The following EXOC4 variants were observed in gnomAD, a reference collection of about 807,000 sequenced individuals.
The protein encoded by EXOC4 is exocyst complex component 4, also known as SEC8-like 1.
EXOC4 carries 71 observed loss-of-function variants against 107.2 expected under a neutral mutation model. That is an observed-to-expected ratio of 0.66 (90% CI 0.55 to 0.81). EXOC4 has a LOEUF of 0.81. EXOC4 is among the 30% of genes least tolerant of loss of function. The pLI is 0.00. For missense variants in EXOC4, 1,108 were observed against 1,189.6 expected, an observed-to-expected ratio of 0.93 and a Z score of 1.01; for synonymous variants, 456 against 441.2, an observed-to-expected ratio of 1.03 and a Z score of -0.42.
At chr7:133,701,013 G>A (rs1471647513) in intron 10 of EXOC4, among the ~76,000 whole-genome samples, 1 of 152,054 alleles carries the variant, frequency 6.6e-6, no homozygotes, top group Non-Finnish European at 1.5e-5. Context: ...CTTACCTGGT[G>A]TAATAAATAG....
At chr7:133,816,161 T>C (rs898033853) in intron 10 of EXOC4, among the ~76,000 whole-genome samples, 4 of 152,184 alleles carry the variant, frequency 2.6e-5, no homozygotes. Context: ...GTTTATACTT[T>C]AGTTACTTAA....
chr7:133,678,503 A>C (rs1336862852), intron 10 of EXOC4, among the ~76,000 whole-genome samples: 2 of 152,144 alleles, frequency 1.3e-5, no homozygotes, highest in Non-Finnish European at 1.5e-5. Context: ...TGAAATTATA[A>C]ATTTAGTCAC....
At chr7:133,753,703 A>G (rs994365538) in intron 10 of EXOC4, among the ~76,000 whole-genome samples, 1 of 152,226 alleles carries the variant, frequency 6.6e-6, no homozygotes, top group Admixed American at 6.5e-5. Flanking sequence ...AAAGAATCTC[A>G]CATTTTTGCA....
At chr7:133,543,024 A>C (rs945491896) in intron 9 of EXOC4, among the ~76,000 whole-genome samples, 3 of 152,166 alleles carry the variant, frequency 2.0e-5, no homozygotes, top group Non-Finnish European at 4.4e-5. Context: ...CAGTTATCCC[A>C]CAAACATAAC....
chr7:133,317,356 T>G lies in EXOC4; in HGVS notation c.729T>G (p.Asp243Glu). The change falls in exon 5 of 18, where the codon GAT becomes GAG. Residue 243 changes from aspartate to glutamate, a missense_variant. Transcript: ENST00000253861. ...TNLPTPRKFLDTSHYSTAGSS... is the reference protein window; with the variant it reads ...TNLPTPRKFLETSHYSTAGSS... ...TCCCTACTCCTCGAAAATTCCTTGA[T>G]ACCTCTCACTATTCTACTGCTGGAA... 6.2e-7 allele frequency: 1 copy of G among 1,611,706 alleles called. No homozygotes were observed. The highest frequency in any genetic ancestry group is 8.5e-7 in the Non-Finnish European group (1 of 1,177,800).
chr7:133,413,583 C>G (rs565501973), intron 7 of EXOC4, among the ~76,000 whole-genome samples: 10 of 152,248 alleles, frequency 6.6e-5, no homozygotes, highest in African/African-American at 2.2e-4. Flanking sequence ...GATGGAAGTG[C>G]AAGTGACTCA....
intron 14 of EXOC4, among the ~76,000 whole-genome samples, chr7:133,976,928 G>C (rs1019899567): frequency 6.6e-6 from 1 of 152,192 alleles, no homozygotes; most frequent in South Asian, 2.1e-4. Flanking sequence ...TGAATGTTCT[G>C]ATGAATGAGC....
At chr7:133,598,828 C>CA (rs961267614) in intron 9 of EXOC4, among the ~76,000 whole-genome samples, 2 of 151,812 alleles carry the variant, frequency 1.3e-5, no homozygotes, top group Admixed American at 6.6e-5. Flanking sequence ...CTAAAAAATA[C>CA]AAAAAATTAG....
At chr7:133,975,144 A>G in intron 14 of EXOC4, among the ~76,000 whole-genome samples, 1 of 152,200 alleles carries the variant, frequency 6.6e-6, no homozygotes, top group Non-Finnish European at 1.5e-5. Flanking sequence ...GAGAAGTTAG[A>G]AAAAATATTC....
At chr7:133,997,369 A>G (rs1794418272) in intron 14 of EXOC4, 123 bp from the exon 15 acceptor site, 1 of 983,364 alleles carries the variant, frequency 1.0e-6, no homozygotes, top group African/African-American at 1.6e-5. Flanking sequence ...TGGACTTCTA[A>G]TGCTGCCAAC....
chr7:133,913,634 T>TAGAG (rs371724172), intron 12 of EXOC4, among the ~76,000 whole-genome samples: 212 of 150,222 alleles, frequency 1.4e-3, no homozygotes, highest in African/African-American at 4.7e-3. Flanking sequence ...TGCTCAGTGG[T>TAGAG]AGAGAGAGAG....
chr7:133,512,403 T>C (rs546428399), intron 9 of EXOC4, among the ~76,000 whole-genome samples: 1 of 151,794 alleles, frequency 6.6e-6, no homozygotes, highest in Admixed American at 6.6e-5. Flanking sequence ...CACTCCAGCC[T>C]GGGCGATAGA....
chr7:133,637,925 A>G (rs2041999), intron 10 of EXOC4, among the ~76,000 whole-genome samples: 151,019 of 152,262 alleles, frequency 0.99, 74,908 homozygotes, highest in Middle Eastern at 1. Flanking sequence ...GCCAGTCAAG[A>G]TATCAACCCA....
chr7:134,006,249 C>G (rs747063950), intron 16 of EXOC4, among the ~76,000 whole-genome samples: 12 of 151,940 alleles, frequency 7.9e-5, no homozygotes, highest in Admixed American at 3.9e-4. Flanking sequence ...CAGCATACCC[C>G]TTCATTGCCC....
chr7:133,335,087 C>A (rs1249650371), intron 5 of EXOC4, among the ~76,000 whole-genome samples: 1 of 152,150 alleles, frequency 6.6e-6, no homozygotes, highest in Non-Finnish European at 1.5e-5. Context: ...AAATAACATG[C>A]ACGTGCATTT....
chr7:134,028,086 A>C (rs977151685), intron 17 of EXOC4, among the ~76,000 whole-genome samples: 1 of 152,174 alleles, frequency 6.6e-6, no homozygotes, highest in Admixed American at 6.5e-5. Context: ...GATTACTAGA[A>C]TCCTCTGGAG....
rs190762558 is a variant in EXOC4, at chr7:133,888,459, C to A, written c.1735-7140C>A. Among the ~76,000 whole-genome samples, 9 of 152,256 alleles carry A rather than the reference C, an allele frequency of 5.9e-5. No homozygotes were observed. In the East Asian group the frequency reaches 1.7e-3, roughly 29 times the overall value. The stretch of plus-strand genomic sequence containing the variant: ...CTGCTCAGCCTGTGATTAATATTTA[C>A]CCCAGTGTATTTCTGCTTCTTTTGA... On this transcript the variant is annotated intron_variant, in intron 11 of 17. Coordinates refer to ENST00000253861, the MANE Select transcript of EXOC4 (RefSeq NM_021807.4).
At chr7:133,668,502 A>G (rs1793867421) in intron 10 of EXOC4, among the ~76,000 whole-genome samples, 1 of 152,224 alleles carries the variant, frequency 6.6e-6, no homozygotes, top group Admixed American at 6.5e-5. Context: ...ATCTTATATT[A>G]TCTTGATTGG....
intron 6 of EXOC4, among the ~76,000 whole-genome samples, chr7:133,372,086 T>G (rs567539430): frequency 6.6e-6 from 1 of 152,338 alleles, no homozygotes; most frequent in Admixed American, 6.5e-5. Context: ...CAGTTGTCTT[T>G]TTATTATGAG....
Sources: gnomAD v4.1 joint callset for allele counts (sites outside exome capture counted in the v4.1 genomes callset) on GRCh38, gnomAD v4.1.1 for gene constraint, MANE v1.5 for transcripts, NCBI Gene and HGNC (gene_info 2026-07-23, HGNC 2026-07-21) for gene names.